MELK: variants seen among roughly 807,000 people sequenced by gnomAD.
MELK encodes maternal embryonic leucine zipper kinase.
MELK carries 81 observed loss-of-function variants against 85.0 expected under a neutral mutation model. The observed-to-expected ratio is 0.95, with a 90% CI of 0.80 to 1.15. MELK has a LOEUF of 1.15. MELK is among the 50% of genes most tolerant of loss of function. The pLI, the probability that MELK is intolerant of heterozygous loss-of-function variation, is 0.00. For missense variants in MELK, 754 were observed against 777.5 expected (o/e 0.97, Z 0.36); for synonymous variants, 252 against 265.0 (o/e 0.95, Z 0.48).
chr9:36,601,096 T>C (rs966495772), intron 7 of MELK, among the ~76,000 whole-genome samples: 1 of 152,144 alleles, frequency 6.6e-6, no homozygotes, highest in Non-Finnish European at 1.5e-5. Context: ...TCTATATATA[T>C]TTTTCCTAAA....
intron 11 of MELK, among the ~76,000 whole-genome samples, chr9:36,643,304 A>T (rs943528443): frequency 6.6e-6 from 1 of 151,988 alleles, no homozygotes; most frequent in South Asian, 2.1e-4. Flanking sequence ...AATCACTTGA[A>T]CCCGGGAGGC....
At chr9:36,611,733 T>C (rs1156748151) in intron 8 of MELK, among the ~76,000 whole-genome samples, 2 of 150,524 alleles carry the variant, frequency 1.3e-5, no homozygotes, top group Admixed American at 1.3e-4. Context: ...GCATTTAGAG[T>C]GGTGCTCAAT....
At chr9:36,675,504 C>G (rs1049132332) in intron 17 of MELK, among the ~76,000 whole-genome samples, 2 of 152,144 alleles carry the variant, frequency 1.3e-5, no homozygotes, top group Admixed American at 6.5e-5. Flanking sequence ...TGTAGATCCT[C>G]TATTTTCCTT....
At chr9:36,627,577 A>C (rs1451799461) in intron 8 of MELK, among the ~76,000 whole-genome samples, 1 of 132,982 alleles carries the variant, frequency 7.5e-6, no homozygotes, top group Non-Finnish European at 1.5e-5. Context: ...CCCAGGCTGG[A>C]GTGCAATGGC....
chr9:36,623,268 C>T (rs1472343563), intron 8 of MELK, among the ~76,000 whole-genome samples: 1 of 152,158 alleles, frequency 6.6e-6, no homozygotes. Flanking sequence ...ACTTAATCTC[C>T]CTGGCTGACA....
At chr9:36,646,672 C>T (rs1449788510) in intron 11 of MELK, among the ~76,000 whole-genome samples, 1 of 152,074 alleles carries the variant, frequency 6.6e-6, no homozygotes, top group Non-Finnish European at 1.5e-5. Context: ...CATGTGTGTT[C>T]GAGAACCTAT....
chr9:36,657,414 A>C (rs1381502329), intron 13 of MELK, 51 bp downstream of exon 13: 1 of 1,533,168 alleles, frequency 6.5e-7, no homozygotes. Flanking sequence ...TTCAATTATA[A>C]AAACAACCAG....
chr9:36,635,467 T>C (rs866794464), intron 10 of MELK, among the ~76,000 whole-genome samples: 1 of 152,132 alleles, frequency 6.6e-6, no homozygotes, highest in Admixed American at 6.5e-5. Context: ...TTTCACCATG[T>C]TGGCCAGGCT....
At chr9:36,649,725 C>T (rs188326328) in intron 11 of MELK, among the ~76,000 whole-genome samples, 3 of 152,050 alleles carry the variant, frequency 2.0e-5, no homozygotes, top group Admixed American at 2.0e-4. Flanking sequence ...GCCGTGATTG[C>T]ACCATTGCAC....
intron 6 of MELK, among the ~76,000 whole-genome samples, chr9:36,597,500 C>G (rs1194454007): frequency 6.6e-6 from 1 of 152,142 alleles, no homozygotes; most frequent in African/African-American, 2.4e-5. Context: ...TGCCCTAGTT[C>G]TAGGATTGGT....
At chr9:36,636,920 T>C (rs2805378) in intron 10 of MELK, among the ~76,000 whole-genome samples, 33,876 of 151,674 alleles carry the variant, frequency 0.22, 6,141 homozygotes, top group African/African-American at 0.5. Context: ...CTGCAAGCTC[T>C]GCCTCCCGGG....
At chr9:36,644,735 A>G (rs1830071700) in intron 11 of MELK, among the ~76,000 whole-genome samples, 1 of 152,168 alleles carries the variant, frequency 6.6e-6, no homozygotes, top group Non-Finnish European at 1.5e-5. Flanking sequence ...AAAAAATGTT[A>G]TTATAGAAAA....
intron 7 of MELK, among the ~76,000 whole-genome samples, chr9:36,605,002 G>A (rs993807630): frequency 3.3e-5 from 5 of 151,984 alleles, no homozygotes; most frequent in Non-Finnish European, 7.4e-5. Context: ...AGGCTGGAGT[G>A]CAATGGCCTC....
At chr9:36,606,439 T>C (rs1825511261) in intron 7 of MELK, among the ~76,000 whole-genome samples, 1 of 126,628 alleles carries the variant, frequency 7.9e-6, no homozygotes, top group African/African-American at 3.8e-5. Flanking sequence ...TATAGGTGTG[T>C]ATATAATATA....
chr9:36,661,619 A>G (rs923968084), intron 13 of MELK, among the ~76,000 whole-genome samples: 9 of 152,182 alleles, frequency 5.9e-5, no homozygotes, highest in Admixed American at 3.3e-4. Context: ...TTCATACCTT[A>G]TATTTAGGTA....
At chr9:36,615,896 T>C (rs1379181001) in intron 8 of MELK, among the ~76,000 whole-genome samples, 3 of 148,134 alleles carry the variant, frequency 2.0e-5, no homozygotes, top group East Asian at 4.0e-4. Flanking sequence ...GAGGGGCTCC[T>C]CACATCCCAG....
chr9:36,597,321 C>G (rs779764187), intron 6 of MELK, 31 bp downstream of exon 6: 2 of 1,555,682 alleles, frequency 1.3e-6, no homozygotes, highest in Admixed American at 3.4e-5. Context: ...CATCTATGTT[C>G]TTTGTAAATG....
chr9:36,672,230 G>A (rs908318636), intron 16 of MELK, among the ~76,000 whole-genome samples: 5 of 151,818 alleles, frequency 3.3e-5, no homozygotes, highest in Admixed American at 6.6e-5. Context: ...AGTGTGCTGA[G>A]ACGTTACATA....
At chr9:36,577,202 C>T (rs1332665847) in intron 1 of MELK, among the ~76,000 whole-genome samples, 3 of 152,098 alleles carry the variant, frequency 2.0e-5, no homozygotes, top group African/African-American at 7.2e-5. Context: ...ACCTGCCACT[C>T]ATCAGTTTGA....
Sources: allele counts gnomAD v4.1 joint callset (sites outside exome capture counted in the v4.1 genomes callset), GRCh38; gene constraint gnomAD v4.1.1; transcripts MANE v1.5; gene names NCBI Gene and HGNC (gene_info 2026-07-23, HGNC 2026-07-21).